Variants in JAK1 observed in about 807,000 individuals in gnomAD.
The protein encoded by JAK1 is tyrosine-protein kinase JAK1.
Under a neutral mutation model 136.6 loss-of-function variants are expected in JAK1, and 16 were observed. The observed-to-expected ratio is 0.12, with a 90% CI of 0.08 to 0.18. The LOEUF is 0.18. Among genes scored for constraint, JAK1 ranks in the 10% least tolerant of loss-of-function variants. The probability of loss-of-function intolerance (pLI) is 1.00; values close to 1 mark genes in which losing one functional copy is unlikely to be tolerated. For missense variants in JAK1, 859 were observed against 1,450.1 expected (o/e 0.59, Z 6.62); for synonymous variants, 492 against 519.5 (o/e 0.95, Z 0.72).
Position 65,043,700 on chromosome 1 carries a change from ATTTTTTT to A in JAK1, c.-78+773_-78+779del, listed in dbSNP as rs112982943. Among the ~76,000 whole-genome samples, 278 of 101,264 alleles carry A rather than the reference ATTTTTTT, an allele frequency of 2.7e-3. 3 individuals are homozygous for A. Among genetic ancestry groups the A allele is most frequent in the East Asian group, 0.013 (47 of 3,674 alleles). 66.4% of individuals were successfully genotyped at this position (101,264 alleles called of 152,430 possible). On this transcript the variant is annotated intron_variant, in intron 2 of 25. Coordinates refer to the JAK1 transcript ENST00000671954. The stretch of plus-strand genomic sequence containing the variant: ...AGGCATGCACCACCACACCTGGCTA[ATTTTTTT>A]TTTTTTTTTTTTTTTTTTGCTTGTT...
At chr1:64,963,807 G>T (rs1557730511) in intron 1 of JAK1, among the ~76,000 whole-genome samples, 1 of 152,106 alleles carries the variant, frequency 6.6e-6, no homozygotes, top group Non-Finnish European at 1.5e-5. Context: ...TCCAAAGCAG[G>T]ACTTCTTAAC....
chr1:64,913,633 GAGGA>G (rs1403683523), intron 1 of JAK1, among the ~76,000 whole-genome samples: 2 of 80,078 alleles, frequency 2.5e-5, no homozygotes, highest in African/African-American at 1.1e-4. Context: ...GGGAGGGAGG[GAGGA>G]AGGGAGGAAG....
intron 2 of JAK1, among the ~76,000 whole-genome samples, chr1:65,032,909 C>T (rs184840268): frequency 6.6e-6 from 1 of 152,266 alleles, no homozygotes; most frequent in Admixed American, 6.5e-5. Flanking sequence ...AACAAAAAAC[C>T]TTTATTGTTG....
At chr1:64,902,204 T>C (rs1228924844) in intron 1 of JAK1, among the ~76,000 whole-genome samples, 3 of 152,302 alleles carry the variant, frequency 2.0e-5, no homozygotes, top group East Asian at 3.9e-4. Context: ...AATGTCATTG[T>C]AGCTAGTAAG....
intron 1 of JAK1, among the ~76,000 whole-genome samples, chr1:65,056,915 T>A (rs1171407874): frequency 8.5e-6 from 1 of 117,396 alleles, no homozygotes; most frequent in Non-Finnish European, 1.8e-5. Context: ...AGACTGAGAC[T>A]CTTTCTTTAA....
chr1:64,974,131 A>G (rs543920169), intron 2 of JAK1: 1 of 152,330 alleles, frequency 6.6e-6, no homozygotes, highest in East Asian at 1.9e-4. Context: ...GGTATCACAC[A>G]TTTGGTATGG....
At chr1:65,020,181 C>T (rs550605683) in intron 2 of JAK1, among the ~76,000 whole-genome samples, 10 of 145,994 alleles carry the variant, frequency 6.8e-5, no homozygotes, top group Middle Eastern at 3.7e-3. Flanking sequence ...GCTGAGATCA[C>T]GCCATTGCAC....
At chr1:64,862,522 C>A (rs1340872453) in intron 8 of JAK1, among the ~76,000 whole-genome samples, 1 of 152,232 alleles carries the variant, frequency 6.6e-6, no homozygotes, top group Non-Finnish European at 1.5e-5. Flanking sequence ...TTCCTGCCCT[C>A]CTCCTGCTCC....
chr1:64,877,226 T>C (rs762809447), intron 4 of JAK1, among the ~76,000 whole-genome samples: 1 of 152,180 alleles, frequency 6.6e-6, no homozygotes, highest in African/African-American at 2.4e-5. Flanking sequence ...ACTGAAATCA[T>C]CACCAACATT....
intron 8 of JAK1, among the ~76,000 whole-genome samples, chr1:64,864,331 CCGAG>C: frequency 6.6e-6 from 1 of 152,358 alleles, no homozygotes; most frequent in African/African-American, 2.4e-5. Context: ...TTTCCTCTGT[CCGAG>C]AGTCACTGGG....
chr1:65,037,413 C>G (rs1569923177), intron 2 of JAK1, among the ~76,000 whole-genome samples: 1 of 152,046 alleles, frequency 6.6e-6, no homozygotes, highest in Admixed American at 6.5e-5. Context: ...GTAGCTGGGA[C>G]TACAGGTGTG....
chr1:64,985,491 A>G lies in JAK1; in HGVS notation c.-78+58989T>C. 1.9e-6 allele frequency: 3 copies of G among 1,587,434 alleles called. No individual in the cohort carries two copies. The South Asian group carries it at 3.3e-5, about 18-fold the overall frequency. On this transcript the variant is annotated intron_variant, in intron 2 of 25. Coordinates refer to the JAK1 transcript ENST00000671954. ...TCTGGGACTTTCAGGGCAAAAAGGA[A>G]GGGCTGCACTTTGTAGCATAGCAGG...
intron 1 of JAK1, among the ~76,000 whole-genome samples, chr1:64,921,726 C>CTATT (rs1388025339): frequency 3.3e-5 from 5 of 151,950 alleles, no homozygotes; most frequent in African/African-American, 1.2e-4. Context: ...TGTGATTATA[C>CTATT]TATTGGGAGT....
At chr1:64,998,780 T>G (rs1646726968) in intron 2 of JAK1, among the ~76,000 whole-genome samples, 1 of 152,200 alleles carries the variant, frequency 6.6e-6, no homozygotes, top group South Asian at 2.1e-4. Flanking sequence ...CTGCCGTCCA[T>G]GTAAGATGTG....
At position 64,834,406 on chromosome 1, in the gene JAK1, GTGCCT is replaced by G; in HGVS notation, c.*151_*155del. The stretch of plus-strand genomic sequence containing the variant: ...CCTTACACATATTAAGCACTACAGT[GTGCCT>G]TATACATGTATATGTACTGAAGTAT... On this transcript the variant is annotated 3_prime_UTR_variant, in exon 25 of 25. Transcript: ENST00000342505. 1 of 574,064 alleles carries G rather than the reference GTGCCT, an allele frequency of 1.7e-6. No homozygotes were observed. The highest frequency in any genetic ancestry group is 3.2e-6 in the Non-Finnish European group (1 of 315,526). The allele number at this position is 574,064 out of a possible 1,614,324, so 35.6% of individuals were successfully genotyped here.
chr1:64,836,033 A>G, intron 23 of JAK1, 65 bp downstream of exon 23: 1 of 854,818 alleles, frequency 1.2e-6, no homozygotes, highest in Non-Finnish European at 2.0e-6. Context: ...AAAGTTAACC[A>G]AGCAGAGGGA....
At chr1:65,013,698 A>C (rs2100776001) in intron 2 of JAK1, among the ~76,000 whole-genome samples, 1 of 152,344 alleles carries the variant, frequency 6.6e-6, no homozygotes, top group East Asian at 1.9e-4. Context: ...AGTTACCCTC[A>C]TCCTGGGCCT....
intron 1 of JAK1, among the ~76,000 whole-genome samples, chr1:64,896,633 GAAGAA>G (rs952292362): frequency 7.6e-4 from 115 of 152,240 alleles, no homozygotes; most frequent in African/African-American, 2.7e-3. Context: ...AGCTCAGTAA[GAAGAA>G]AAGAAAACAA....
intron 7 of JAK1, among the ~76,000 whole-genome samples, 193 bp from the exon 8 acceptor site, chr1:64,865,165 C>T (rs77340649): frequency 0.013 from 2,043 of 152,278 alleles, 18 homozygotes; most frequent in Middle Eastern, 0.051. Flanking sequence ...ATCAGGGAAT[C>T]CTGGGCTTTC....
Sources: allele counts gnomAD v4.1 joint callset (sites outside exome capture counted in the v4.1 genomes callset), GRCh38; gene constraint gnomAD v4.1.1; transcripts MANE v1.5; gene names NCBI Gene and HGNC (gene_info 2026-07-23, HGNC 2026-07-21).